SLC27A4: variants seen among roughly 807,000 people sequenced by gnomAD.
SLC27A4 encodes long-chain fatty acid transport protein 4.
Under a neutral mutation model 64.4 loss-of-function variants are expected in SLC27A4, and 33 were observed. The observed-to-expected ratio is 0.51, with a 90% CI of 0.39 to 0.68. SLC27A4 has a LOEUF of 0.68. Ranked by LOEUF, SLC27A4 falls within the 30% of genes least tolerant of loss-of-function variation. The pLI, the probability that SLC27A4 is intolerant of heterozygous loss-of-function variation, is 0.00. For missense variants in SLC27A4, 824 were observed against 883.5 expected (o/e 0.93, Z 0.85); for synonymous variants, 377 against 370.0 (o/e 1.02, Z -0.22).
In SLC27A4 at chr9:128,355,811, T is replaced by C. The variant is rs776029381; in HGVS notation, c.1774+15T>C. ...GCACAAAACAGGTGTGTCCCTCCCCTGCTCCAGCTCTCGGATCCCAGGTCC... is the reference window on the plus strand; with the variant it reads ...GCACAAAACAGGTGTGTCCCTCCCCCGCTCCAGCTCTCGGATCCCAGGTCC... On this transcript the variant is annotated intron_variant, in intron 12 of 12. Coordinates refer to ENST00000300456, the MANE Select transcript of SLC27A4 (RefSeq NM_005094.4). 2 of 1,612,418 alleles carry C rather than the reference T, an allele frequency of 1.2e-6. No homozygotes were observed. The highest frequency in any genetic ancestry group is 2.2e-5 in the East Asian group (1 of 44,888).
intron 1 of SLC27A4, chr9:128,342,185 G>A (rs1198759246): frequency 6.7e-7 from 1 of 1,497,388 alleles, no homozygotes; most frequent in African/African-American, 1.4e-5. Flanking sequence ...GCGCAGACCA[G>A]ACTTCGCTCG....
intron 1 of SLC27A4, among the ~76,000 whole-genome samples, chr9:128,341,777 C>G (rs1266295399): frequency 6.6e-6 from 1 of 152,148 alleles, no homozygotes. Context: ...CTCGCTCTGT[C>G]TCCCAGGCTG....
intron 6 of SLC27A4, among the ~76,000 whole-genome samples, chr9:128,351,858 G>T (rs1832741505): frequency 6.6e-6 from 1 of 152,060 alleles, no homozygotes; most frequent in Non-Finnish European, 1.5e-5. Context: ...TTTAAGGCCA[G>T]CCTGGGCAAC....
chr9:128,355,290 G>A (rs1832800628), intron 10 of SLC27A4, 100 bp downstream of exon 10: 2 of 1,599,864 alleles, frequency 1.3e-6, no homozygotes, highest in Admixed American at 1.7e-5. Context: ...CCCCAGTCCT[G>A]GCCCTTGTGG....
At position 128,345,862 on chromosome 9, in the gene SLC27A4, G is replaced by A. The variant is rs139317116; in HGVS notation, c.556+313G>A. Reference sequence around the variant, plus strand: ...GCAGGAGGATCCCTTGAGCCCAGGAGTTTGAGACCAGCCTAGGCAACATAG... The same window carrying A: ...GCAGGAGGATCCCTTGAGCCCAGGAATTTGAGACCAGCCTAGGCAACATAG... On this transcript the variant is annotated intron_variant, in intron 3 of 12. Transcript: ENST00000300456. The surrounding 1 kb of genome is among the most constrained non-coding windows in gnomAD (Gnocchi z 4.1). Among the ~76,000 whole-genome samples, 480 of 152,314 alleles carry A rather than the reference G, an allele frequency of 3.2e-3. 7 individuals are homozygous for A. The highest frequency in any genetic ancestry group is 0.024 in the East Asian group (125 of 5,182).
In SLC27A4 at chr9:128,342,251, T is replaced by G. The variant is rs776842361; in HGVS notation, c.-6-876T>G. The G allele has an allele frequency of 3.1e-6, 5 of 1,610,864 alleles. No homozygotes were observed. In the East Asian group the frequency reaches 1.1e-4, roughly 36 times the overall value. On this transcript the variant is annotated intron_variant, in intron 1 of 12. Transcript: ENST00000300456. The stretch of plus-strand genomic sequence containing the variant: ...GCAACCATGTCTGACAAACCCGATA[T>G]GGCTGAGATTGAGAAATTCGATAAG...
At position 128,353,376 on chromosome 9, in the gene SLC27A4, A is replaced by G; in HGVS notation, c.1198-39A>G. The G allele has an allele frequency of 1.2e-6, 2 of 1,614,118 alleles. No individual in the cohort carries two copies. Among genetic ancestry groups the G allele is most frequent in the Non-Finnish European group, 1.7e-6 (2 of 1,180,016 alleles). On this transcript the variant is annotated intron_variant, in intron 8 of 12. Coordinates refer to ENST00000300456, the MANE Select transcript of SLC27A4 (RefSeq NM_005094.4). The surrounding 1 kb of genome is among the most constrained non-coding windows in gnomAD (Gnocchi z 4.9). ...CCCCTCATTGTCCAGTTTTGGGCCC[A>G]TGGTGAGAGAGCCCAGGCCCAAGTC...
At chr9:128,349,277 G>C (rs1048670826) in intron 4 of SLC27A4, among the ~76,000 whole-genome samples, 1 of 152,150 alleles carries the variant, frequency 6.6e-6, no homozygotes, top group African/African-American at 2.4e-5. Flanking sequence ...TTGCCTGGTG[G>C]CTCAGAGCTT....
Position 128,343,305 on chromosome 9 carries a change from G to A in SLC27A4, c.161+12G>A, listed in dbSNP as rs1383050147. The A allele has an allele frequency of 1.2e-6, 2 of 1,614,038 alleles. No individual in the cohort carries two copies. The highest frequency in any genetic ancestry group is 1.7e-6 in the Non-Finnish European group (2 of 1,179,992). On this transcript the variant is annotated intron_variant, in intron 2 of 12. Coordinates refer to ENST00000300456, the MANE Select transcript of SLC27A4 (RefSeq NM_005094.4). ...AGGCGCGATATCTTGTGAGTACCTG[G>A]CCCAGCCTTTCCTGGGGTCTGCCAC...
intron 10 of SLC27A4, 48 bp downstream of exon 10, chr9:128,355,238 G>A: frequency 6.2e-7 from 1 of 1,607,822 alleles, no homozygotes; most frequent in Non-Finnish European, 8.5e-7. Context: ...TGGGGGAGGA[G>A]GGGACCTTCT....
chr9:128,343,180 G>C lies in SLC27A4; in HGVS notation c.48G>C (p.Leu16=). 6.2e-7 allele frequency: 1 copy of C among 1,614,134 alleles called. No individual in the cohort carries two copies. The highest frequency in any genetic ancestry group is 8.5e-7 in the Non-Finnish European group (1 of 1,180,020). Residue 16 remains leucine (L), a synonymous_variant, in exon 2 of 13, where the codon CTG becomes CTC. Transcript: ENST00000300456. ...SLVGVLLFSK[L]VLKLPWTQVG... is the part of the protein sequence containing the mutation. The stretch of plus-strand genomic sequence containing the variant: ...TGGGGGTGCTGCTGTTCTCCAAGCT[G>C]GTGCTGAAACTGCCCTGGACCCAGG...
rs1001372129 is a variant in SLC27A4 at position 128,361,021 on chromosome 9, A to T, written c.*530A>T. Reference sequence around the variant, plus strand: ...AGGTGGCCCCTGATGCCCCATCTACAGCAGGAGGTCAGGACCACGCCCCTG... The same window carrying T: ...AGGTGGCCCCTGATGCCCCATCTACTGCAGGAGGTCAGGACCACGCCCCTG... On this transcript the variant is annotated 3_prime_UTR_variant, in exon 13 of 13. Transcript: ENST00000300456. The T allele has an allele frequency of 5.5e-6, 1 of 180,640 alleles. No homozygotes were observed. The highest frequency in any genetic ancestry group is 2.4e-5 in the African/African-American group (1 of 42,014). The allele number at this position is 180,640 out of a possible 1,614,324, so 11.2% of individuals were successfully genotyped here. A position where few individuals can be genotyped will look rare whatever the true frequency, so the allele number is the denominator to read the frequency against.
intron 12 of SLC27A4, among the ~76,000 whole-genome samples, chr9:128,359,628 TAAAGAAAG>T (rs895830442): frequency 6.6e-6 from 1 of 151,422 alleles, no homozygotes; most frequent in Non-Finnish European, 1.5e-5. Flanking sequence ...CCGTCTCCAA[TAAAGAAAG>T]AAAGAAAGAA....
chr9:128,345,474 C>G lies in SLC27A4; in HGVS notation c.481C>G (p.Arg161Gly). Residue 161 changes from arginine to glycine, a missense_variant, in exon 3 of 13, where the codon CGG becomes GGG. Physicochemically the swap from Arg to Gly is moderately radical, Grantham distance 125. Transcript: ENST00000300456. The surrounding 1 kb of genome is among the most constrained non-coding windows in gnomAD (Gnocchi z 4.1). ...GGCAGCCCTCATCAACACCAACCTGCGGCGGGATGCTCTGCTCCACTGCCT... is the reference window on the plus strand; with the variant it reads ...GGCAGCCCTCATCAACACCAACCTGGGGCGGGATGCTCTGCTCCACTGCCT... ...VEAALINTNL[R>G]RDALLHCLTT... 1 of 1,613,052 alleles carries G rather than the reference C, an allele frequency of 6.2e-7. No individual in the cohort carries two copies. The highest frequency in any genetic ancestry group is 8.5e-7 in the Non-Finnish European group (1 of 1,179,918).
At chr9:128,342,878 A>C (rs190513802) in intron 1 of SLC27A4, 1 of 573,216 alleles carries the variant, frequency 1.7e-6, no homozygotes, top group Admixed American at 3.1e-5. Context: ...CAGAGATGGG[A>C]CTATGAGACG....
At chr9:128,355,280 C>T in intron 10 of SLC27A4, 90 bp downstream of exon 10, 2 of 1,591,222 alleles carry the variant, frequency 1.3e-6, no homozygotes, top group East Asian at 2.2e-5. Context: ...CCCAGGACTC[C>T]CCCAGTCCTG....
intron 11 of SLC27A4, 21 bp downstream of exon 11, chr9:128,355,583 G>C (rs377154165): frequency 5.6e-6 from 9 of 1,607,880 alleles, no homozygotes; most frequent in Non-Finnish European, 6.8e-6. Context: ...GCAGGCGCGA[G>C]GTGTGGGTAG....
intron 3 of SLC27A4, among the ~76,000 whole-genome samples, chr9:128,346,139 G>A (rs945715031): frequency 1.3e-5 from 2 of 152,070 alleles, no homozygotes; most frequent in South Asian, 2.1e-4. Flanking sequence ...GAGTTCAAGC[G>A]ATCCACCTAC....
At chr9:128,351,397 A>C (rs959079810) in intron 6 of SLC27A4, among the ~76,000 whole-genome samples, 1 of 152,140 alleles carries the variant, frequency 6.6e-6, no homozygotes, top group Non-Finnish European at 1.5e-5. Flanking sequence ...ACTGCACTCC[A>C]GCCTGGGCAA....
Sources: gnomAD v4.1 joint callset for allele counts (sites outside exome capture counted in the v4.1 genomes callset) on GRCh38, gnomAD v4.1.1 for gene constraint, Gnocchi (gnomAD v3.1) non-coding constraint, MANE v1.5 for transcripts, NCBI Gene and HGNC (gene_info 2026-07-23, HGNC 2026-07-21) for gene names.